DCLK2: variants seen among roughly 807,000 people sequenced by gnomAD.
DCLK2 encodes serine/threonine-protein kinase DCLK2.
A neutral mutation model predicts 78.4 loss-of-function variants in DCLK2; 31 were observed. The observed-to-expected ratio is 0.40, with a 90% CI of 0.30 to 0.53. The LOEUF is 0.53. DCLK2 is among the 20% of genes least tolerant of loss of function. DCLK2 has a pLI of 0.61. For missense variants in DCLK2, 872 were observed against 973.7 expected (o/e 0.90, Z 1.39); for synonymous variants, 407 against 374.9 (o/e 1.09, Z -0.99).
At chr4:150,172,332 G>T (rs1258042932) in intron 2 of DCLK2, among the ~76,000 whole-genome samples, 1 of 152,070 alleles carries the variant, frequency 6.6e-6, no homozygotes, top group Non-Finnish European at 1.5e-5. Context: ...GGCCAGGCAC[G>T]GTGGCTCACG....
At chr4:150,175,471 G>T (rs1470827072) in intron 2 of DCLK2, 1 of 151,920 alleles carries the variant, frequency 6.6e-6, no homozygotes, top group African/African-American at 2.4e-5. Context: ...GGAGGGGAAT[G>T]AAATGGGTAT....
intron 2 of DCLK2, among the ~76,000 whole-genome samples, chr4:150,171,944 G>A (rs1178673317): frequency 1.3e-5 from 2 of 152,194 alleles, no homozygotes; most frequent in East Asian, 3.8e-4. Context: ...ACAAATGCGT[G>A]CATCTTGTGA....
chr4:150,117,436 G>T (rs1274571363), intron 2 of DCLK2, among the ~76,000 whole-genome samples: 3 of 152,142 alleles, frequency 2.0e-5, no homozygotes, highest in Non-Finnish European at 4.4e-5. Context: ...ATGAAGCAGG[G>T]GTGCCCAGCT....
intron 2 of DCLK2, among the ~76,000 whole-genome samples, chr4:150,119,980 T>G (rs1732401305): frequency 6.6e-6 from 1 of 152,234 alleles, no homozygotes; most frequent in African/African-American, 2.4e-5. Flanking sequence ...TTTTTGGTCA[T>G]GGCTAACTTC....
intron 5 of DCLK2, among the ~76,000 whole-genome samples, chr4:150,216,926 C>T (rs749918172): frequency 6.6e-6 from 1 of 152,132 alleles, no homozygotes; most frequent in Non-Finnish European, 1.5e-5. Flanking sequence ...CCTGAAAAAC[C>T]GTAAATGCTG....
intron 13 of DCLK2, among the ~76,000 whole-genome samples, chr4:150,248,057 A>G (rs1743468860): frequency 6.6e-6 from 1 of 152,238 alleles, no homozygotes; most frequent in Non-Finnish European, 1.5e-5. Flanking sequence ...ACTGTGGAAT[A>G]ATAACAATGA....
chr4:150,094,428 A>G (rs189882887), intron 1 of DCLK2, among the ~76,000 whole-genome samples: 1 of 152,364 alleles, frequency 6.6e-6, no homozygotes, highest in Admixed American at 6.5e-5. Context: ...CACATTCATT[A>G]GACTACAAAG....
chr4:150,105,016 T>C (rs1731157631), intron 2 of DCLK2, among the ~76,000 whole-genome samples: 2 of 152,168 alleles, frequency 1.3e-5, no homozygotes, highest in Admixed American at 6.5e-5. Context: ...GAATTTAATC[T>C]GGAAAAATAG....
At chr4:150,086,829 A>T (rs553853217) in intron 1 of DCLK2, among the ~76,000 whole-genome samples, 1 of 151,776 alleles carries the variant, frequency 6.6e-6, no homozygotes, top group African/African-American at 2.4e-5. Context: ...TTTCATATTT[A>T]TTTCTCGTTA....
chr4:150,106,878 A>G (rs985150965), intron 2 of DCLK2, among the ~76,000 whole-genome samples: 1 of 152,224 alleles, frequency 6.6e-6, no homozygotes, highest in African/African-American at 2.4e-5. Flanking sequence ...AAACTAACTA[A>G]ATTTTATGTC....
intron 15 of DCLK2, among the ~76,000 whole-genome samples, chr4:150,255,613 T>TAATTCACAGATTAATTA (rs1744504505): frequency 1.3e-5 from 2 of 152,200 alleles, no homozygotes; most frequent in Non-Finnish European, 2.9e-5. Context: ...GCGGGTAACT[T>TAATTCACAGATTAATTA]TTCAATCTGT....
rs751464617 is a variant in DCLK2, at chr4:150,249,700, C to G, written c.2073+16C>G. ...CGTCATCATGGTGAGTGGAAGGCGG[C>G]AGGTCTGGCCTGACTGCGGAGCCGG... On this transcript the variant is annotated intron_variant, in intron 15 of 15. Transcript: ENST00000296550. 6.2e-7 allele frequency: 1 copy of G among 1,602,432 alleles called. No homozygotes were observed. The highest frequency in any genetic ancestry group is 1.1e-5 in the South Asian group (1 of 90,822).
chr4:150,112,922 T>C (rs980976753), intron 2 of DCLK2, among the ~76,000 whole-genome samples: 2 of 150,494 alleles, frequency 1.3e-5, no homozygotes, highest in Admixed American at 6.7e-5. Context: ...GAGATTCTCG[T>C]GCCTCAGCCT....
rs774064931 is a variant in DCLK2, at chr4:150,253,443, T to C, written c.2074-2577T>C. ...CCATAAAGGTGAAAAAAAAGTAAAG[T>C]TGATGGTGTTATCTGCATTTTGTTT... On this transcript the variant is annotated intron_variant, in intron 15 of 15. Coordinates refer to ENST00000296550, the MANE Select transcript of DCLK2 (RefSeq NM_001040260.4). 5.4e-6 allele frequency: 7 copies of C among 1,289,616 alleles called. No homozygotes were observed. In the Admixed American group the frequency reaches 1.6e-4, roughly 30 times the overall value. 79.9% of individuals were successfully genotyped at this position (1,289,616 alleles called of 1,614,324 possible).
chr4:150,090,344 TGTG>T (rs1359441361), intron 1 of DCLK2, among the ~76,000 whole-genome samples: 11 of 152,180 alleles, frequency 7.2e-5, no homozygotes, highest in African/African-American at 2.7e-4. Context: ...AGGCAGAGGT[TGTG>T]GTGATCCAAG....
At position 150,102,943 on chromosome 4, in the gene DCLK2, G is replaced by A. The variant is rs1178872435; in HGVS notation, c.756+131G>A. 11 of 869,198 alleles carry A rather than the reference G, an allele frequency of 1.3e-5. No homozygotes were observed. The East Asian group carries it at 2.9e-4, about 23-fold the overall frequency. The allele number at this position is 869,198 out of a possible 1,614,324, so 53.8% of individuals were successfully genotyped here. The stretch of plus-strand genomic sequence containing the variant: ...CTGGGAGTCATACTTGAGATTGTGT[G>A]TGTGTGTGTATGTGTGTGTGTGTGT... On this transcript the variant is annotated intron_variant, in intron 2 of 15. Transcript: ENST00000296550.
At chr4:150,086,089 G>A (rs1270218606) in intron 1 of DCLK2, among the ~76,000 whole-genome samples, 4 of 152,226 alleles carry the variant, frequency 2.6e-5, no homozygotes, top group East Asian at 1.9e-4. Context: ...GACCATCCTC[G>A]TGAAAGGGAA....
intron 1 of DCLK2, among the ~76,000 whole-genome samples, chr4:150,090,270 G>A (rs1729957041): frequency 6.6e-6 from 1 of 152,330 alleles, no homozygotes; most frequent in East Asian, 1.9e-4. Flanking sequence ...GCTGAGCGTG[G>A]TGGCGCACGA....
chr4:150,132,059 G>A (rs1246675819), intron 2 of DCLK2, among the ~76,000 whole-genome samples: 1 of 152,288 alleles, frequency 6.6e-6, no homozygotes, highest in East Asian at 1.9e-4. Context: ...AGGATAAGCT[G>A]TGGTATCCTT....
Sources: allele counts gnomAD v4.1 joint callset (sites outside exome capture counted in the v4.1 genomes callset), GRCh38; gene constraint gnomAD v4.1.1; transcripts MANE v1.5; gene names NCBI Gene and HGNC (gene_info 2026-07-23, HGNC 2026-07-21).